Variants in TMPRSS11B observed in about 807,000 individuals in gnomAD.
TMPRSS11B encodes transmembrane serine protease 11B.
Under a neutral mutation model 44.7 loss-of-function variants are expected in TMPRSS11B, and 53 were observed. That is an observed-to-expected ratio of 1.19 (90% CI 0.95 to 1.49). TMPRSS11B has a LOEUF of 1.49. TMPRSS11B is among the 40% of genes most tolerant of loss of function. TMPRSS11B has a pLI of 0.00. For missense variants in TMPRSS11B, 526 were observed against 494.8 expected, an observed-to-expected ratio of 1.06 and a Z score of -0.60; for synonymous variants, 140 against 159.2, an observed-to-expected ratio of 0.88 and a Z score of 0.91.
At chr4:68,230,665 A>G (rs929487996) in intron 7 of TMPRSS11B, among the ~76,000 whole-genome samples, 2 of 152,048 alleles carry the variant, frequency 1.3e-5, no homozygotes, top group African/African-American at 4.8e-5. Flanking sequence ...TTAGCTGGAC[A>G]TAGTGGTGCG....
At position 68,236,211 on chromosome 4, in the gene TMPRSS11B, A is replaced by G; in HGVS notation, c.180T>C (p.Asp60=). The G allele has an allele frequency of 4.3e-6, 7 of 1,612,838 alleles. No individual in the cohort carries two copies. Among genetic ancestry groups the G allele is most frequent in the South Asian group, 1.1e-5 (1 of 90,900 alleles). The change falls in exon 3 of 10, where the codon GAT becomes GAC. Residue 60 remains aspartate (D), a synonymous_variant. Transcript: ENST00000332644. ...DFHISGVTYN[D]NCENAASQAS... ...CTTGTGAAGCTGCGTTTTCACAATT[A>G]TCATTGTATGTGACTCCAGAAATAT...
chr4:68,241,807 A>ATGT lies in TMPRSS11B; in HGVS notation c.9-4_9-3insACA, dbSNP rs1185212270. The ATGT allele has an allele frequency of 1.9e-6, 3 of 1,602,832 alleles. No individual in the cohort carries two copies. The highest frequency in any genetic ancestry group is 1.7e-5 in the Admixed American group (1 of 59,784). On this transcript the variant is annotated splice_region_variant and splice_polypyrimidine_tract_variant and intron_variant, in intron 1 of 9. Transcript: ENST00000332644. ...ATCTTTGGGAAGATATGCCGTGCCT[A>ATGT]TGAAAGAGGAAAATTTTGGTTCAAA...
chr4:68,235,829 C>A (rs1030027117), intron 4 of TMPRSS11B, among the ~76,000 whole-genome samples, 173 bp downstream of exon 4: 1 of 151,962 alleles, frequency 6.6e-6, no homozygotes, highest in Non-Finnish European at 1.5e-5. Context: ...AGAACTTGAT[C>A]TTTCTTTTTC....
rs528333518 is a variant in TMPRSS11B at position 68,227,960 on chromosome 4, G to C, written c.1202C>G (p.Thr401Ser). ...CCAATTGCGATAAGAAGTCACTCGA[G>C]TATAGACACCTGGCTTATTCTTTTT... ...CGKKNKPGVY[T>S]RVTSYRNWIT... The change falls in exon 10 of 10, where the codon ACT becomes AGT. Residue 401 changes from threonine (T) to serine (S), a missense_variant. Transcript: ENST00000332644. The C allele has an allele frequency of 6.2e-7, 1 of 1,613,558 alleles. No homozygotes were observed. Among genetic ancestry groups the C allele is most frequent in the Non-Finnish European group, 8.5e-7 (1 of 1,179,876 alleles).
chr4:68,231,471 G>T, intron 6 of TMPRSS11B, 91 bp from the exon 7 acceptor site: 1 of 1,195,330 alleles, frequency 8.4e-7, no homozygotes. Context: ...AAACCTTTCA[G>T]TGATTATTCA....
intron 2 of TMPRSS11B, among the ~76,000 whole-genome samples, chr4:68,238,164 C>T (rs573671199): frequency 1.3e-5 from 2 of 152,254 alleles, no homozygotes; most frequent in South Asian, 4.1e-4. Context: ...AAAGTATGAT[C>T]TCCTAAGCTG....
intron 2 of TMPRSS11B, among the ~76,000 whole-genome samples, chr4:68,239,609 A>G (rs1356078950): frequency 2.6e-5 from 4 of 152,262 alleles, no homozygotes; most frequent in South Asian, 2.1e-4. Context: ...TTTTACAGAC[A>G]TAGCAACAGT....
At chr4:68,234,274 T>C (rs767064081) in intron 5 of TMPRSS11B, among the ~76,000 whole-genome samples, 189 bp downstream of exon 5, 2 of 152,124 alleles carry the variant, frequency 1.3e-5, no homozygotes, top group African/African-American at 2.4e-5. Context: ...CTCATTCCTA[T>C]CATTCTTCAG....
At chr4:68,234,767 A>G in intron 4 of TMPRSS11B, 144 bp from the exon 5 acceptor site, 3 of 847,110 alleles carry the variant, frequency 3.5e-6, no homozygotes, top group Non-Finnish European at 3.5e-6. Context: ...AAGCATGTAT[A>G]AAATTCAAAG....
intron 4 of TMPRSS11B, among the ~76,000 whole-genome samples, chr4:68,235,686 A>G (rs909661462): frequency 6.6e-6 from 1 of 152,180 alleles, no homozygotes; most frequent in African/African-American, 2.4e-5. Flanking sequence ...ATCTTTCATC[A>G]TAGCAGTCAG....
At chr4:68,232,998 C>T (rs1302688999) in intron 5 of TMPRSS11B, among the ~76,000 whole-genome samples, 2 of 152,030 alleles carry the variant, frequency 1.3e-5, no homozygotes, top group Non-Finnish European at 2.9e-5. Context: ...TGAGCCCATC[C>T]TGCTCTTTAG....
chr4:68,235,976 A>G, intron 4 of TMPRSS11B, 26 bp downstream of exon 4: 4 of 1,454,260 alleles, frequency 2.8e-6, no homozygotes, highest in Non-Finnish European at 3.7e-6. Flanking sequence ...TTCCTTTCAT[A>G]AAATCTTAAA....
rs1051480880 is a variant in TMPRSS11B, at chr4:68,229,128, C to T, written c.946+129G>A. ...ATTTGACATCATGCTTTTTGTCCCA[C>T]CACTTGGTTTTCTTTTCAGTATATT... On this transcript the variant is annotated intron_variant, in intron 8 of 9. Transcript: ENST00000332644. 4.8e-6 allele frequency: 5 copies of T among 1,048,320 alleles called. No individual in the cohort carries two copies. In the African/African-American group the frequency reaches 8.0e-5, roughly 17 times the overall value. 64.9% of individuals were successfully genotyped at this position (1,048,320 alleles called of 1,614,324 possible). A position where few individuals can be genotyped will look rare whatever the true frequency, so the allele number is the denominator to read the frequency against.
intron 1 of TMPRSS11B, among the ~76,000 whole-genome samples, chr4:68,245,222 T>C (rs1719966960): frequency 6.6e-6 from 1 of 152,198 alleles, no homozygotes; most frequent in African/African-American, 2.4e-5. Flanking sequence ...TCAATTACAT[T>C]ACTAGAGAAT....
rs751327777 is a variant in TMPRSS11B at position 68,236,051 on chromosome 4, T to C, written c.259A>G (p.Asn87Asp). The C allele has an allele frequency of 1.4e-5, 22 of 1,593,138 alleles. No individual in the cohort carries two copies. The African/African-American group carries it at 2.6e-4, about 19-fold the overall frequency. ...IETKMLNAFQ[N>D]SSIYKEYVKS... ...ACATATTCCTTATATATACTGGAAT[T>C]TTGAAATGCATTTAACATCTGACAA... is the stretch of plus-strand genomic sequence containing the variant. The change falls in exon 4 of 10, where the codon AAT becomes GAT. Residue 87 changes from asparagine (N) to aspartate (D), a missense_variant. Transcript: ENST00000332644.
chr4:68,228,095 T>C, intron 9 of TMPRSS11B, 23 bp from the exon 10 acceptor site: 3 of 1,576,470 alleles, frequency 1.9e-6, no homozygotes, highest in Non-Finnish European at 2.6e-6. Flanking sequence ...AAGAAAAAAA[T>C]GTTTCTTGTC....
intron 2 of TMPRSS11B, among the ~76,000 whole-genome samples, chr4:68,237,930 T>A (rs1719720656): frequency 6.6e-6 from 1 of 152,030 alleles, no homozygotes; most frequent in Admixed American, 6.6e-5. Context: ...AGTGGGAGAA[T>A]TGCTTGGGCC....
chr4:68,228,941 A>C, intron 8 of TMPRSS11B, 57 bp from the exon 9 acceptor site: 1 of 1,549,770 alleles, frequency 6.5e-7, no homozygotes, highest in Non-Finnish European at 8.8e-7. Flanking sequence ...GGGACAAAGA[A>C]TATCTACCTA....
chr4:68,242,250 A>C lies in TMPRSS11B; in HGVS notation c.9-446T>G, dbSNP rs1206659838. Among the ~76,000 whole-genome samples, 4 of 78,956 alleles carry C rather than the reference A, an allele frequency of 5.1e-5. No individual in the cohort carries two copies. In the East Asian group the frequency reaches 1.2e-3, roughly 23 times the overall value. 51.8% of individuals were successfully genotyped at this position (78,956 alleles called of 152,430 possible). ...TTATATTATATATATTATATTATATATATTATAATATATATAATATAATAT... is the reference window on the plus strand; with the variant it reads ...TTATATTATATATATTATATTATATCTATTATAATATATATAATATAATAT... On this transcript the variant is annotated intron_variant, in intron 1 of 9. Coordinates refer to ENST00000332644, the MANE Select transcript of TMPRSS11B (RefSeq NM_182502.3).
Sources: allele counts gnomAD v4.1 joint callset (sites outside exome capture counted in the v4.1 genomes callset), GRCh38; gene constraint gnomAD v4.1.1; transcripts MANE v1.5; gene names NCBI Gene and HGNC (gene_info 2026-07-23, HGNC 2026-07-21).